Variants in CAST observed in about 807,000 individuals in gnomAD.
CAST encodes MIR583 host.
CAST carries 76 observed loss-of-function variants against 119.6 expected under a neutral mutation model. The observed-to-expected ratio is 0.64, with a 90% CI of 0.53 to 0.77. The LOEUF (loss-of-function observed/expected upper bound fraction) is 0.77, where lower values mean the gene tolerates loss of function less well. CAST is among the 30% of genes least tolerant of loss of function. The pLI is 0.00. For missense variants in CAST, 953 were observed against 946.5 expected (o/e 1.01, Z -0.09); for synonymous variants, 319 against 331.6 (o/e 0.96, Z 0.41).
chr5:96,358,297 A>G, the CAST span, among the ~76,000 whole-genome samples: 8 of 152,122 alleles, frequency 5.3e-5, no homozygotes, highest in South Asian at 1.7e-3. Context: ...GGATTCATTG[A>G]TTTTTTGAAG....
the CAST span, among the ~76,000 whole-genome samples, chr5:96,128,564 C>T: frequency 6.6e-6 from 1 of 152,120 alleles, no homozygotes; most frequent in South Asian, 2.1e-4. Flanking sequence ...AAGGTGAAAG[C>T]GACACTATCC....
the CAST span, among the ~76,000 whole-genome samples, chr5:96,222,097 C>T: frequency 6.6e-6 from 1 of 152,050 alleles, no homozygotes; most frequent in Non-Finnish European, 1.5e-5. Context: ...TCCCCACATA[C>T]AAGAATCAAC....
intron 1 of CAST, among the ~76,000 whole-genome samples, chr5:96,632,670 GCT>G (rs1747836866): frequency 1.6e-4 from 12 of 74,080 alleles, no homozygotes; most frequent in African/African-American, 5.9e-4. Context: ...TGGTCTCAGC[GCT>G]ATTTGTCGAA....
intron 1 of CAST, among the ~76,000 whole-genome samples, chr5:96,651,546 G>T (rs188981041): frequency 6.6e-6 from 1 of 152,306 alleles, no homozygotes; most frequent in Admixed American, 6.5e-5. Flanking sequence ...CTCACCTGAG[G>T]TTGGGAAGGG....
chr5:96,423,473 A>C, the CAST span: 6 of 1,613,566 alleles, frequency 3.7e-6, no homozygotes, highest in Non-Finnish European at 5.1e-6. Context: ...GTAAAGAAAA[A>C]CAACGAAGCA....
chr5:95,995,755 T>C, the CAST span, among the ~76,000 whole-genome samples: 2 of 152,042 alleles, frequency 1.3e-5, no homozygotes, highest in Non-Finnish European at 1.5e-5. Context: ...TTAAATCCTT[T>C]TGGGGGTTAG....
the CAST span, among the ~76,000 whole-genome samples, chr5:96,282,221 G>A: frequency 6.6e-6 from 1 of 152,134 alleles, no homozygotes; most frequent in Non-Finnish European, 1.5e-5. Context: ...AGGGAAGCTG[G>A]ATTGCTATAA....
the CAST span, among the ~76,000 whole-genome samples, chr5:96,209,643 C>T: frequency 6.7e-6 from 1 of 148,238 alleles, no homozygotes; most frequent in Non-Finnish European, 1.5e-5. Context: ...AATATAACCG[C>T]ACCCCCCGCC....
the CAST span, among the ~76,000 whole-genome samples, chr5:96,464,043 A>C: frequency 2.0e-5 from 3 of 152,068 alleles, no homozygotes; most frequent in Non-Finnish European, 2.9e-5. Context: ...TGAGGGAGAA[A>C]ACAGGCTACC....
chr5:95,986,591 C>G, the CAST span, among the ~76,000 whole-genome samples: 1 of 152,138 alleles, frequency 6.6e-6, no homozygotes, highest in Admixed American at 6.5e-5. Flanking sequence ...GTATTTTCAT[C>G]TTCTCTTCTT....
chr5:96,120,080 C>T, the CAST span, among the ~76,000 whole-genome samples: 1 of 152,140 alleles, frequency 6.6e-6, no homozygotes, highest in Non-Finnish European at 1.5e-5. Flanking sequence ...ATCTAATGGA[C>T]ATAAATAGCT....
the CAST span, among the ~76,000 whole-genome samples, chr5:96,469,340 A>G: frequency 3.3e-5 from 5 of 152,176 alleles, no homozygotes; most frequent in Middle Eastern, 6.8e-3. Context: ...CAATACATTG[A>G]ATATGATTAT....
the CAST span, among the ~76,000 whole-genome samples, chr5:96,329,366 C>A: frequency 4.4e-3 from 671 of 152,322 alleles, 3 homozygotes; most frequent in Non-Finnish European, 7.0e-3. Flanking sequence ...AATTTCAACT[C>A]ATTATAAGAA....
intron 1 of CAST, among the ~76,000 whole-genome samples, chr5:96,622,161 G>A (rs577440616): frequency 6.6e-6 from 1 of 151,570 alleles, no homozygotes; most frequent in Admixed American, 6.6e-5. Flanking sequence ...GTAGAGACGG[G>A]GTTTCACCAT....
chr5:96,574,756 G>A (rs1450159063), intron 1 of CAST, among the ~76,000 whole-genome samples: 1 of 152,098 alleles, frequency 6.6e-6, no homozygotes, highest in African/African-American at 2.4e-5. Flanking sequence ...GGATATGGAT[G>A]TCCAATTGCT....
the CAST span, among the ~76,000 whole-genome samples, chr5:96,149,165 T>C: frequency 6.6e-5 from 10 of 152,284 alleles, no homozygotes; most frequent in African/African-American, 1.7e-4. Flanking sequence ...CAGAAGGGAA[T>C]TGGGGAATGA....
the CAST span, among the ~76,000 whole-genome samples, chr5:96,268,028 T>A: frequency 5.3e-5 from 8 of 152,104 alleles, no homozygotes; most frequent in African/African-American, 1.9e-4. Context: ...ATTATATCTA[T>A]AAGATGTCTT....
chr5:96,662,868 A>G, intron 1 of CAST: 2 of 566,118 alleles, frequency 3.5e-6, no homozygotes, highest in Non-Finnish European at 3.1e-6. Flanking sequence ...CTTCCGCGCT[A>G]AGGCCGGGCC....
the CAST span, among the ~76,000 whole-genome samples, chr5:96,418,508 T>C: frequency 6.6e-6 from 1 of 152,246 alleles, no homozygotes; most frequent in South Asian, 2.1e-4. Context: ...AAGATTTTAT[T>C]ATTTAGTGAT....
Sources: gnomAD v4.1 joint callset for allele counts (sites outside exome capture counted in the v4.1 genomes callset) on GRCh38, gnomAD v4.1.1 for gene constraint, MANE v1.5 for transcripts, NCBI Gene and HGNC (gene_info 2026-07-23, HGNC 2026-07-21) for gene names.